The following TNRC6C variants were observed in gnomAD, a reference collection of about 807,000 sequenced individuals.
The protein encoded by TNRC6C is trinucleotide repeat-containing gene 6C protein.
TNRC6C carries 20 observed loss-of-function variants against 153.7 expected under a neutral mutation model. The ratio of observed to expected loss-of-function variants is 0.13; its 90% CI spans 0.09 to 0.19. The LOEUF is 0.19. Ranked by LOEUF, TNRC6C falls within the 10% of genes least tolerant of loss-of-function variation. The pLI is 1.00. For synonymous variants in TNRC6C, 811 were observed against 841.4 expected, an observed-to-expected ratio of 0.96 and a Z score of 0.63; for missense variants, 1,987 against 2,172.0, an observed-to-expected ratio of 0.91 and a Z score of 1.69.
intron 1 of TNRC6C, among the ~76,000 whole-genome samples, chr17:77,984,123 C>G (rs1389435806): frequency 6.6e-6 from 1 of 152,168 alleles, no homozygotes; most frequent in African/African-American, 2.4e-5. Context: ...GCTTTTGATA[C>G]AGGAGATGGG....
chr17:78,097,735 G>C lies in TNRC6C; in HGVS notation c.4307-608G>C. On this transcript the variant is annotated intron_variant, in intron 16 of 19. Coordinates refer to ENST00000301624, the Ensembl canonical transcript of TNRC6C. ...CACCACCTTGCTCAGTGCCGTGTTTGGTTCTGCAGGGTCCTCCCCGCCATC... is the reference window on the plus strand; with the variant it reads ...CACCACCTTGCTCAGTGCCGTGTTTCGTTCTGCAGGGTCCTCCCCGCCATC... 1 of 1,539,444 alleles carries C rather than the reference G, an allele frequency of 6.5e-7. No individual in the cohort carries two copies. The highest frequency in any genetic ancestry group is 8.8e-7 in the Non-Finnish European group (1 of 1,139,386).
rs549466188 is a variant in TNRC6C at position 78,016,836 on chromosome 17, A to G, written c.-546+11757A>G. Among the ~76,000 whole-genome samples the G allele has an allele frequency of 1.2e-4, 18 of 152,350 alleles. No homozygotes were observed. In the South Asian group the frequency reaches 1.7e-3, roughly 14 times the overall value. On this transcript the variant is annotated intron_variant, in intron 1 of 19. Coordinates refer to ENST00000301624, the Ensembl canonical transcript of TNRC6C. ...CATTCTTTACGTAGATTAGCAATCAATCCTCAAGGAACTCTCTCAGTAAGG... is the reference window on the plus strand; with the variant it reads ...CATTCTTTACGTAGATTAGCAATCAGTCCTCAAGGAACTCTCTCAGTAAGG...
At position 77,990,656 on chromosome 17, in the gene TNRC6C, C is replaced by T. The variant is rs1273063937; in HGVS notation, c.-37-13514C>T. On this transcript the variant is annotated intron_variant, in intron 1 of 22. Coordinates refer to the TNRC6C transcript ENST00000636222. ...GCACCCTGCACTTCTTATTAGCATG[C>T]TGTAATTAATGTATTATGAAGGAAA... Among the ~76,000 whole-genome samples the T allele has an allele frequency of 2.0e-5, 3 of 152,162 alleles. No homozygotes were observed. In the East Asian group the frequency reaches 5.8e-4, roughly 29 times the overall value.
chr17:77,997,304 C>T (rs1277976685), intron 1 of TNRC6C, among the ~76,000 whole-genome samples: 1 of 152,148 alleles, frequency 6.6e-6, no homozygotes, highest in African/African-American at 2.4e-5. Flanking sequence ...TACCTGAGAC[C>T]AGCTGATTTT....
chr17:77,958,456 G>C (rs1478164866), upstream of TNRC6C, among the ~76,000 whole-genome samples: 1 of 152,008 alleles, frequency 6.6e-6, no homozygotes, highest in South Asian at 2.1e-4. Context: ...GGGAACCACA[G>C]CGCGGGCGGG....
At chr17:78,057,167 A>G (rs1328918773) in intron 3 of TNRC6C, among the ~76,000 whole-genome samples, 1 of 152,196 alleles carries the variant, frequency 6.6e-6, no homozygotes, top group Non-Finnish European at 1.5e-5. Flanking sequence ...TGTACAACAT[A>G]TGGGGTTATT....
At chr17:78,097,095 G>T (rs1032896120) in intron 16 of TNRC6C, among the ~76,000 whole-genome samples, 2 of 152,192 alleles carry the variant, frequency 1.3e-5, no homozygotes, top group Non-Finnish European at 2.9e-5. Flanking sequence ...TGCACCTGTG[G>T]TCCCTGTGAC....
intron 1 of TNRC6C, among the ~76,000 whole-genome samples, chr17:77,979,246 ATAGC>A (rs1393606069): frequency 6.6e-6 from 1 of 152,246 alleles, no homozygotes; most frequent in Non-Finnish European, 1.5e-5. Flanking sequence ...ATATTTTAAA[ATAGC>A]TAGAAGAGAA....
intron 1 of TNRC6C, among the ~76,000 whole-genome samples, chr17:77,964,499 CTTA>C (rs1171813026): frequency 6.6e-6 from 1 of 152,196 alleles, no homozygotes; most frequent in Non-Finnish European, 1.5e-5. Context: ...TGCCTTCTAG[CTTA>C]TTAAGAATAA....
intron 1 of TNRC6C, among the ~76,000 whole-genome samples, chr17:77,973,609 A>G (rs1194819256): frequency 2.6e-5 from 4 of 152,240 alleles, no homozygotes; most frequent in Non-Finnish European, 4.4e-5. Context: ...TCCACAAGAA[A>G]GGTTACTTGA....
intron 1 of TNRC6C, among the ~76,000 whole-genome samples, chr17:78,008,055 C>A (rs2071554024): frequency 6.6e-6 from 1 of 152,138 alleles, no homozygotes; most frequent in Non-Finnish European, 1.5e-5. Flanking sequence ...ATTAACTAGT[C>A]TAATCCGTTC....
At chr17:78,052,722 C>G (rs2072562463) in intron 3 of TNRC6C, among the ~76,000 whole-genome samples, 1 of 151,968 alleles carries the variant, frequency 6.6e-6, no homozygotes. Context: ...GGCCCACCAG[C>G]TGGGCCCTCC....
chr17:78,097,441 A>G (rs1434771823), intron 16 of TNRC6C, among the ~76,000 whole-genome samples: 1 of 152,160 alleles, frequency 6.6e-6, no homozygotes, highest in African/African-American at 2.4e-5. Context: ...TGGTCCTTTA[A>G]AACTCTTAAA....
intron 2 of TNRC6C, among the ~76,000 whole-genome samples, chr17:78,038,741 TGATA>T (rs1348659434): frequency 2.0e-5 from 3 of 151,912 alleles, no homozygotes; most frequent in African/African-American, 4.8e-5. Flanking sequence ...GAAACAGCAT[TGATA>T]GATCACTTTT....
At chr17:78,040,431 T>C (rs2143842342) in intron 2 of TNRC6C, among the ~76,000 whole-genome samples, 1 of 152,372 alleles carries the variant, frequency 6.6e-6, no homozygotes, top group South Asian at 2.1e-4. Context: ...TTGATTAATA[T>C]ACGGCAGTGT....
chr17:78,097,689 AGTC>A, intron 16 of TNRC6C, 53 bp from the exon 19 acceptor site: 1 of 1,262,464 alleles, frequency 7.9e-7, no homozygotes. Context: ...CCACAGTTAG[AGTC>A]ATGAACCCGG....
At chr17:78,009,176 G>A (rs956708706) in intron 1 of TNRC6C, among the ~76,000 whole-genome samples, 10 of 152,200 alleles carry the variant, frequency 6.6e-5, no homozygotes, top group African/African-American at 2.4e-4. Flanking sequence ...GCTCTCTGTG[G>A]AGTAACTGGG....
intron 2 of TNRC6C, among the ~76,000 whole-genome samples, chr17:78,041,909 A>G (rs9893340): frequency 0.029 from 4,363 of 152,310 alleles, 212 homozygotes; most frequent in African/African-American, 0.099. Flanking sequence ...CAGTGTTAGT[A>G]CCAGTACAGC....
chr17:78,044,650 C>T (rs2072370453), intron 2 of TNRC6C, among the ~76,000 whole-genome samples: 1 of 152,242 alleles, frequency 6.6e-6, no homozygotes, highest in Non-Finnish European at 1.5e-5. Context: ...CCATGAGCCA[C>T]ATCTGGCCCA....
Sources: allele counts gnomAD v4.1 joint callset (sites outside exome capture counted in the v4.1 genomes callset), GRCh38; gene constraint gnomAD v4.1.1; transcripts MANE v1.5; gene names NCBI Gene and HGNC (gene_info 2026-07-23, HGNC 2026-07-21).